The following CNTNAP2 variants were observed in gnomAD, a reference collection of about 807,000 sequenced individuals.
CNTNAP2 encodes contactin-associated protein-like 2.
In CNTNAP2, 98 loss-of-function variants were observed where a neutral mutation model predicts 155.2. The observed-to-expected ratio is 0.63, with a 90% CI of 0.54 to 0.75. CNTNAP2 has a LOEUF of 0.75. Among genes scored for constraint, CNTNAP2 ranks in the 30% least tolerant of loss-of-function variants. CNTNAP2 has a pLI of 0.00. For missense variants in CNTNAP2, 1,727 were observed against 1,688.1 expected (o/e 1.02, Z -0.40); for synonymous variants, 651 against 631.2 (o/e 1.03, Z -0.47).
chr7:147,251,316 G>A (rs1162330213), intron 8 of CNTNAP2, among the ~76,000 whole-genome samples: 1 of 152,170 alleles, frequency 6.6e-6, no homozygotes, highest in Non-Finnish European at 1.5e-5. Flanking sequence ...CCTGGATCAG[G>A]ACGAGGCATT....
chr7:147,981,786 G>GGTGTGTGTGTGTGTGTGTGT lies in CNTNAP2; in HGVS notation c.2383+3809_2383+3828dup, dbSNP rs57272792. On this transcript the variant is annotated intron_variant, in intron 15 of 23. Coordinates refer to ENST00000361727, the MANE Select transcript of CNTNAP2 (RefSeq NM_014141.6). ...TCTGTGAAATGCTTATGTCCTTACAGGTGTGTGTGTGTGTGTGTGTGTGTG... is the reference window on the plus strand; with the variant it reads ...TCTGTGAAATGCTTATGTCCTTACAGGTGTGTGTGTGTGTGTGTGTGTGTGTGTGTGTGTGTGTGTGTGTG... Among the ~76,000 whole-genome samples the GGTGTGTGTGTGTGTGTGTGT allele has an allele frequency of 4.1e-3, 596 of 143,730 alleles. 7 individuals are homozygous for GGTGTGTGTGTGTGTGTGTGT. Among genetic ancestry groups the GGTGTGTGTGTGTGTGTGTGT allele is most frequent in the South Asian group, 0.01 (45 of 4,342 alleles). 94.3% of individuals were successfully genotyped at this position (143,730 alleles called of 152,430 possible).
intron 21 of CNTNAP2, among the ~76,000 whole-genome samples, chr7:148,380,584 A>G (rs556665771): frequency 4.6e-5 from 7 of 152,152 alleles, no homozygotes; most frequent in Non-Finnish European, 8.8e-5. Context: ...ATAAAACAAT[A>G]TAGTCTATTT....
chr7:147,646,077 T>C (rs568125220), intron 13 of CNTNAP2, among the ~76,000 whole-genome samples: 1 of 152,288 alleles, frequency 6.6e-6, no homozygotes, highest in South Asian at 2.1e-4. Context: ...CGCACCAGAG[T>C]GCACATGGAC....
At position 147,043,964 on chromosome 7, in the gene CNTNAP2, A is replaced by T; in HGVS notation, c.460A>T (p.Ile154Phe). 6.2e-7 allele frequency: 1 copy of T among 1,614,188 alleles called. No homozygotes were observed. ...GVVRHELQHPIIARYVRIVPL... is the reference protein window; with the variant it reads ...GVVRHELQHPFIARYVRIVPL... ...GGTCCGGCACGAATTACAGCATCCG[A>T]TTATTGCCCGCTATGTGCGCATAGT... The change falls in exon 4 of 24, where the codon ATT becomes TTT. Residue 154 changes from isoleucine (I) to phenylalanine (F), a missense_variant. Coordinates refer to ENST00000361727, the MANE Select transcript of CNTNAP2 (RefSeq NM_014141.6).
At chr7:147,817,256 C>T (rs1269714556) in intron 13 of CNTNAP2, among the ~76,000 whole-genome samples, 1 of 152,142 alleles carries the variant, frequency 6.6e-6, no homozygotes, top group African/African-American at 2.4e-5. Context: ...GTATTTGAAT[C>T]TTAATTCGAG....
chr7:147,098,365 G>A (rs923380157), intron 4 of CNTNAP2, among the ~76,000 whole-genome samples: 4 of 152,228 alleles, frequency 2.6e-5, no homozygotes, highest in South Asian at 2.1e-4. Context: ...TAGAACAGTC[G>A]AATGTGCTAT....
chr7:147,561,538 C>T (rs1416370231), intron 11 of CNTNAP2, among the ~76,000 whole-genome samples: 1 of 151,812 alleles, frequency 6.6e-6, no homozygotes, highest in African/African-American at 2.4e-5. Context: ...GAATGTCAGC[C>T]GTCTACACAA....
chr7:146,742,026 T>C (rs1395887289), intron 1 of CNTNAP2, among the ~76,000 whole-genome samples: 3 of 151,840 alleles, frequency 2.0e-5, no homozygotes, highest in Non-Finnish European at 2.9e-5. Flanking sequence ...AAAACAATAA[T>C]TATGTGCTTT....
At chr7:146,969,042 T>G (rs1195559719) in intron 3 of CNTNAP2, among the ~76,000 whole-genome samples, 2 of 150,352 alleles carry the variant, frequency 1.3e-5, no homozygotes, top group Non-Finnish European at 2.9e-5. Flanking sequence ...AAGAACATCT[T>G]TATTTCTGCC....
chr7:147,598,627 C>A (rs895490356), intron 12 of CNTNAP2, among the ~76,000 whole-genome samples: 1 of 152,112 alleles, frequency 6.6e-6, no homozygotes, highest in African/African-American at 2.4e-5. Context: ...TGCATAAGCC[C>A]TACACTGTGA....
At position 148,253,559 on chromosome 7, in the gene CNTNAP2, T is replaced by G. The variant is rs551166493; in HGVS notation, c.3382-13474T>G. ...TGGACTCCAGTCCCAGTGCTCAAGG[T>G]GGCTGGACCACAAAACCACATGGAA... is the stretch of plus-strand genomic sequence containing the variant. On this transcript the variant is annotated intron_variant, in intron 20 of 23. Coordinates refer to ENST00000361727, the MANE Select transcript of CNTNAP2 (RefSeq NM_014141.6). Among the ~76,000 whole-genome samples, 3 of 152,304 alleles carry G rather than the reference T, an allele frequency of 2.0e-5. 1 individual carries two copies. Among genetic ancestry groups the G allele is most frequent in the Admixed American group, 2.0e-4 (3 of 15,304 alleles).
Position 148,383,272 on chromosome 7 carries a change from A to C in CNTNAP2, c.3476-377A>C, listed in dbSNP as rs557578894. Among the ~76,000 whole-genome samples, 8 of 151,566 alleles carry C rather than the reference A, an allele frequency of 5.3e-5. No homozygotes were observed. In the East Asian group the frequency reaches 1.6e-3, roughly 29 times the overall value. ...CAGAACCATATTTTGCCAGGAGGGC[A>C]GAGCAGGGCTGCTTTGTTCAATTTG... On this transcript the variant is annotated intron_variant, in intron 21 of 23. Transcript: ENST00000361727.
chr7:148,020,066 C>A (rs1019671235), intron 15 of CNTNAP2, among the ~76,000 whole-genome samples: 1 of 152,144 alleles, frequency 6.6e-6, no homozygotes, highest in Admixed American at 6.5e-5. Flanking sequence ...GGATTACAGA[C>A]ATGAGCCACC....
At chr7:147,306,701 G>A (rs1795034123) in intron 9 of CNTNAP2, among the ~76,000 whole-genome samples, 1 of 152,128 alleles carries the variant, frequency 6.6e-6, no homozygotes, top group Non-Finnish European at 1.5e-5. Flanking sequence ...CTAAGACTTG[G>A]GGTTAGCAAC....
chr7:146,630,533 T>A (rs184799139), intron 1 of CNTNAP2, among the ~76,000 whole-genome samples: 68 of 152,218 alleles, frequency 4.5e-4, no homozygotes, highest in African/African-American at 1.5e-3. Flanking sequence ...ATTTCTGGTT[T>A]TAGATTTTGA....
At position 146,352,421 on chromosome 7, in the gene CNTNAP2, C is replaced by T. The variant is rs1794928510; in HGVS notation, c.97+235448C>T. Among the ~76,000 whole-genome samples, 3 of 151,868 alleles carry T rather than the reference C, an allele frequency of 2.0e-5. No individual in the cohort carries two copies. In the South Asian group the frequency reaches 6.2e-4, roughly 32 times the overall value. ...AGTCATCTTTTTAATTTATCATATG[C>T]CTTTTATTATCTTAAGCATGTAAGA... is the stretch of plus-strand genomic sequence containing the variant. On this transcript the variant is annotated intron_variant, in intron 1 of 23. Transcript: ENST00000361727.
intron 14 of CNTNAP2, among the ~76,000 whole-genome samples, chr7:147,946,452 T>G (rs1398282517): frequency 6.6e-6 from 1 of 151,856 alleles, no homozygotes; most frequent in African/African-American, 2.4e-5. Context: ...ATAGCTTGGT[T>G]TATATGGAAG....
At chr7:148,204,448 CTT>C (rs145656741) in intron 18 of CNTNAP2, among the ~76,000 whole-genome samples, 12,640 of 152,200 alleles carry the variant, frequency 0.083, 605 homozygotes, top group East Asian at 0.19. Flanking sequence ...ATGGGAATGA[CTT>C]TGAATTTCAG....
chr7:147,373,063 G>A (rs1584907368), intron 9 of CNTNAP2, among the ~76,000 whole-genome samples: 2 of 151,960 alleles, frequency 1.3e-5, no homozygotes, highest in African/African-American at 2.4e-5. Context: ...CGTGTCCCTC[G>A]AAGACTTGAC....
Sources: allele counts gnomAD v4.1 joint callset (sites outside exome capture counted in the v4.1 genomes callset), GRCh38; gene constraint gnomAD v4.1.1; transcripts MANE v1.5; gene names NCBI Gene and HGNC (gene_info 2026-07-23, HGNC 2026-07-21).